Variants in FBXL17 observed in about 807,000 individuals in gnomAD.
FBXL17 encodes F-box/LRR-repeat protein 17.
FBXL17 carries 22 observed loss-of-function variants against 66.2 expected under a neutral mutation model. The observed-to-expected ratio is 0.33, with a 90% CI of 0.24 to 0.47. FBXL17 has a LOEUF of 0.47. Among genes scored for constraint, FBXL17 ranks in the 20% least tolerant of loss-of-function variants. The probability of loss-of-function intolerance (pLI) is 1.00; values close to 1 mark genes in which losing one functional copy is unlikely to be tolerated. For synonymous variants in FBXL17, 474 were observed against 400.5 expected (o/e 1.18, Z -2.19); for missense variants, 878 against 948.2 (o/e 0.93, Z 0.97).
intron 5 of FBXL17, among the ~76,000 whole-genome samples, chr5:108,211,723 T>G (rs2150061675): frequency 6.6e-6 from 1 of 152,346 alleles, no homozygotes; most frequent in South Asian, 2.1e-4. Flanking sequence ...CTTCCCTTTG[T>G]GGGTAACCCA....
At chr5:108,156,105 T>C (rs1360072298) in intron 6 of FBXL17, among the ~76,000 whole-genome samples, 2 of 152,102 alleles carry the variant, frequency 1.3e-5, no homozygotes, top group African/African-American at 4.8e-5. Flanking sequence ...GGGAAGAATA[T>C]TTGCTATAAC....
intron 6 of FBXL17, among the ~76,000 whole-genome samples, chr5:108,154,616 TAC>T (rs768615062): frequency 0.015 from 1,482 of 96,166 alleles, 46 homozygotes; most frequent in African/African-American, 0.052. Flanking sequence ...AATATATATA[TAC>T]ACACACACAC....
At chr5:108,259,423 T>C (rs1351304120) in intron 4 of FBXL17, among the ~76,000 whole-genome samples, 1 of 152,200 alleles carries the variant, frequency 6.6e-6, no homozygotes. Context: ...ATCCTCAATG[T>C]AGCTGTAGTG....
At chr5:107,893,879 A>G (rs146655278) in intron 7 of FBXL17, among the ~76,000 whole-genome samples, 47 of 152,328 alleles carry the variant, frequency 3.1e-4, no homozygotes, top group African/African-American at 1.1e-3. Context: ...GATGAATCAC[A>G]TAACCCTCTG....
chr5:108,013,179 T>C (rs1754250623), intron 7 of FBXL17, among the ~76,000 whole-genome samples: 1 of 152,176 alleles, frequency 6.6e-6, no homozygotes, highest in Non-Finnish European at 1.5e-5. Flanking sequence ...AACTGGATAC[T>C]TGATTAGTAG....
At chr5:108,250,685 T>C (rs1394788782) in intron 4 of FBXL17, among the ~76,000 whole-genome samples, 1 of 152,082 alleles carries the variant, frequency 6.6e-6, no homozygotes, top group Non-Finnish European at 1.5e-5. Context: ...TACTGAAAGA[T>C]ACAAAATGAA....
chr5:108,089,175 C>T (rs1749093698), intron 6 of FBXL17, among the ~76,000 whole-genome samples: 1 of 152,172 alleles, frequency 6.6e-6, no homozygotes, highest in Non-Finnish European at 1.5e-5. Context: ...ACGAAATGCT[C>T]TCATCTCTCA....
intron 6 of FBXL17, among the ~76,000 whole-genome samples, chr5:108,058,803 G>C (rs539997026): frequency 6.6e-6 from 1 of 152,134 alleles, no homozygotes; most frequent in Non-Finnish European, 1.5e-5. Context: ...AATGCCTTGA[G>C]GTACTTCTAC....
chr5:108,326,380 G>A (rs983100550), intron 4 of FBXL17, among the ~76,000 whole-genome samples: 1 of 151,910 alleles, frequency 6.6e-6, no homozygotes. Flanking sequence ...ATAACCTGAG[G>A]CAAGAAGTTC....
intron 7 of FBXL17, among the ~76,000 whole-genome samples, chr5:107,881,678 T>C (rs1748798774): frequency 6.6e-6 from 1 of 152,218 alleles, no homozygotes; most frequent in Non-Finnish European, 1.5e-5. Context: ...GTATAAAATA[T>C]TTTTCACATT....
intron 8 of FBXL17, among the ~76,000 whole-genome samples, chr5:107,876,229 T>C (rs546329100): frequency 4.6e-5 from 7 of 152,168 alleles, no homozygotes; most frequent in Non-Finnish European, 1.0e-4. Context: ...TGCAGGGACA[T>C]AAGAACCAAG....
chr5:108,288,266 A>G (rs1757977714), intron 4 of FBXL17, among the ~76,000 whole-genome samples: 1 of 152,016 alleles, frequency 6.6e-6, no homozygotes, highest in Non-Finnish European at 1.5e-5. Context: ...GCCTAAAATA[A>G]AAGTTCAACA....
chr5:107,860,118 A>G lies in FBXL17; in HGVS notation c.*1602T>C, dbSNP rs1270788493. The stretch of plus-strand genomic sequence containing the variant: ...AAACATGTTGACATAATCAAAGGAA[A>G]CAGTTGTTTACAAAAAAAGAGAATC... On this transcript the variant is annotated 3_prime_UTR_variant, in exon 9 of 9. Coordinates refer to ENST00000542267, the MANE Select transcript of FBXL17 (RefSeq NM_001163315.3). 6.6e-6 allele frequency: 1 copy of G among 152,246 alleles called. No individual in the cohort carries two copies. The highest frequency in any genetic ancestry group is 1.9e-4 in the East Asian group (1 of 5,200). 9.4% of individuals were successfully genotyped at this position (152,246 alleles called of 1,614,324 possible). A position where few individuals can be genotyped will look rare whatever the true frequency, so the allele number is the denominator to read the frequency against.
chr5:108,169,520 T>C (rs865844425), intron 6 of FBXL17, among the ~76,000 whole-genome samples: 3 of 152,332 alleles, frequency 2.0e-5, no homozygotes, highest in South Asian at 2.1e-4. Flanking sequence ...ATTGTCGCCA[T>C]AAGAATGTTA....
chr5:107,964,167 T>C (rs1752028633), intron 7 of FBXL17, among the ~76,000 whole-genome samples: 1 of 152,282 alleles, frequency 6.6e-6, no homozygotes, highest in East Asian at 1.9e-4. Flanking sequence ...AGTGAAGACC[T>C]GGCATCAACC....
chr5:108,129,716 C>T (rs1429464266), intron 6 of FBXL17, among the ~76,000 whole-genome samples: 1 of 151,896 alleles, frequency 6.6e-6, no homozygotes, highest in Non-Finnish European at 1.5e-5. Context: ...AGCAGTAATT[C>T]ATTACCACAA....
At chr5:108,019,930 T>TTAA (rs560484639) in intron 7 of FBXL17, among the ~76,000 whole-genome samples, 9 of 149,714 alleles carry the variant, frequency 6.0e-5, no homozygotes, top group African/African-American at 2.2e-4. Context: ...TTTCTAAATG[T>TTAA]AAAAAAAAAA....
intron 7 of FBXL17, among the ~76,000 whole-genome samples, chr5:107,940,022 C>A (rs1020406594): frequency 1.1e-4 from 17 of 152,114 alleles, no homozygotes; most frequent in African/African-American, 4.1e-4. Flanking sequence ...AAACAGTATA[C>A]TAGCCACTCT....
At chr5:108,370,563 T>G (rs1748964106) in intron 1 of FBXL17, among the ~76,000 whole-genome samples, 1 of 151,994 alleles carries the variant, frequency 6.6e-6, no homozygotes, top group South Asian at 2.1e-4. Context: ...GCCAATATGG[T>G]GAAATCCCAT....
Sources: allele counts gnomAD v4.1 joint callset (sites outside exome capture counted in the v4.1 genomes callset), GRCh38; gene constraint gnomAD v4.1.1; transcripts MANE v1.5; gene names NCBI Gene and HGNC (gene_info 2026-07-23, HGNC 2026-07-21).